The following VPS13B variants were observed in gnomAD, a reference collection of about 807,000 sequenced individuals.
VPS13B encodes the protein vacuolar protein sorting 13 homolog B.
In VPS13B, 285 loss-of-function variants were observed where a neutral mutation model predicts 426.4. The observed-to-expected ratio is 0.67, with a 90% CI of 0.61 to 0.74. The LOEUF is 0.74. Ranked by LOEUF, VPS13B falls within the 30% of genes least tolerant of loss-of-function variation. The probability of loss-of-function intolerance (pLI) is 0.00; values close to 1 mark genes in which losing one functional copy is unlikely to be tolerated. For missense variants in VPS13B, 4,537 were observed against 4,782.6 expected (o/e 0.95, Z 1.51); for synonymous variants, 1,676 against 1,676.4 (o/e 1.00, Z 0.01).
intron 56 of VPS13B, among the ~76,000 whole-genome samples, chr8:99,855,681 G>A (rs979785065): frequency 1.3e-5 from 2 of 152,092 alleles, no homozygotes; most frequent in African/African-American, 4.8e-5. Context: ...AGCAGTAAAC[G>A]ACCTGTGTTA....
intron 3 of VPS13B, among the ~76,000 whole-genome samples, chr8:99,051,547 T>C (rs1240518927): frequency 6.6e-6 from 1 of 152,192 alleles, no homozygotes; most frequent in Non-Finnish European, 1.5e-5. Context: ...TTTAAAGTAG[T>C]TTTTTCCAAT....
chr8:99,867,566 G>A (rs1327842329), intron 58 of VPS13B, among the ~76,000 whole-genome samples: 1 of 152,138 alleles, frequency 6.6e-6, no homozygotes, highest in Non-Finnish European at 1.5e-5. Context: ...GTGGTTAAGA[G>A]CTATGCTGTG....
chr8:99,856,697 C>T (rs1171289462), intron 56 of VPS13B, among the ~76,000 whole-genome samples: 5 of 152,064 alleles, frequency 3.3e-5, no homozygotes, highest in Non-Finnish European at 5.9e-5. Context: ...AAAAATTAGC[C>T]AGGTGTGGGG....
intron 16 of VPS13B, among the ~76,000 whole-genome samples, chr8:99,184,286 G>A (rs1454706555): frequency 1.3e-5 from 2 of 152,266 alleles, no homozygotes; most frequent in East Asian, 3.9e-4. Flanking sequence ...AACTTTTTAA[G>A]AAACTGCAAT....
intron 19 of VPS13B, among the ~76,000 whole-genome samples, chr8:99,383,460 A>G: frequency 6.6e-6 from 1 of 152,290 alleles, no homozygotes; most frequent in Admixed American, 6.5e-5. Context: ...TATTTTATGG[A>G]CAAATGTACT....
At chr8:99,100,786 T>A (rs1048705657) in intron 4 of VPS13B, among the ~76,000 whole-genome samples, 2 of 152,068 alleles carry the variant, frequency 1.3e-5, no homozygotes, top group African/African-American at 2.4e-5. Context: ...CTCATGCCTG[T>A]AATCCCAGTA....
intron 30 of VPS13B, among the ~76,000 whole-genome samples, chr8:99,554,132 T>C (rs1206234818): frequency 6.6e-6 from 1 of 152,158 alleles, no homozygotes; most frequent in Non-Finnish European, 1.5e-5. Context: ...CTTTTCCATG[T>C]ATCAAGGGAA....
chr8:99,259,115 G>C (rs4428646), intron 17 of VPS13B, among the ~76,000 whole-genome samples: 125,461 of 151,962 alleles, frequency 0.83, 52,317 homozygotes, highest in South Asian at 0.89. Flanking sequence ...CATGATTACT[G>C]TGTGAAGTAG....
At chr8:99,080,937 G>A (rs919230515) in intron 3 of VPS13B, among the ~76,000 whole-genome samples, 3 of 152,140 alleles carry the variant, frequency 2.0e-5, no homozygotes, top group African/African-American at 4.8e-5. Context: ...TACTTCCTCT[G>A]GTCTATGGTC....
chr8:99,193,618 A>G (rs1225870141), intron 17 of VPS13B, among the ~76,000 whole-genome samples: 2 of 152,286 alleles, frequency 1.3e-5, no homozygotes, highest in East Asian at 1.9e-4. Context: ...GTTTCAGTTC[A>G]AAATAATAAT....
intron 52 of VPS13B, 136 bp from the exon 53 acceptor site, chr8:99,835,061 A>G (rs1393570438): frequency 2.9e-6 from 3 of 1,026,150 alleles, no homozygotes; most frequent in Admixed American, 4.4e-5. Flanking sequence ...GTTATCAGAA[A>G]AGGAATCTCC....
At chr8:99,096,215 C>T (rs1358046691) in intron 3 of VPS13B, 97 bp from the exon 4 acceptor site, 12 of 1,378,480 alleles carry the variant, frequency 8.7e-6, no homozygotes, top group South Asian at 2.6e-5. Context: ...ATCTTATCTC[C>T]TGTAGCTACC....
chr8:99,491,191 A>G (rs1820587405), intron 25 of VPS13B, among the ~76,000 whole-genome samples: 1 of 152,178 alleles, frequency 6.6e-6, no homozygotes, highest in African/African-American at 2.4e-5. Flanking sequence ...CAGGTTGTTC[A>G]GTTTCCATGT....
chr8:99,877,021 T>C lies in VPS13B; in HGVS notation c.*1355T>C, dbSNP rs562826355. 6.6e-6 allele frequency: 1 copy of C among 152,148 alleles called. No homozygotes were observed. The highest frequency in any genetic ancestry group is 1.9e-4 in the East Asian group (1 of 5,192). The allele number at this position is 152,148 out of a possible 1,614,324, so 9.4% of individuals were successfully genotyped here. On this transcript the variant is annotated 3_prime_UTR_variant, in exon 62 of 62. Coordinates refer to ENST00000357162, the MANE Select transcript of VPS13B (RefSeq NM_152564.5). The stretch of plus-strand genomic sequence containing the variant: ...CACCACAGGTATGCACCACCATACC[T>C]GGCTGATTTTTAAAATTTTTTCTAG...
chr8:99,077,467 G>C (rs1000747175), intron 3 of VPS13B, among the ~76,000 whole-genome samples: 11 of 151,732 alleles, frequency 7.2e-5, no homozygotes, highest in African/African-American at 2.7e-4. Flanking sequence ...CCCGTGCCTG[G>C]CCTGCTCTTT....
In VPS13B at chr8:99,148,015, A is replaced by G; in HGVS notation, c.2013+5A>G. 6.2e-7 allele frequency: 1 copy of G among 1,602,618 alleles called. No individual in the cohort carries two copies. The highest frequency in any genetic ancestry group is 8.5e-7 in the Non-Finnish European group (1 of 1,173,996). ...CCTGTCATTATGGGAGAAAAGGTATATTTTGTGATTTGCTATATTTTTTTT... is the reference window on the plus strand; with the variant it reads ...CCTGTCATTATGGGAGAAAAGGTATGTTTTGTGATTTGCTATATTTTTTTT... On this transcript the variant is annotated splice_donor_5th_base_variant and intron_variant, in intron 14 of 61. Coordinates refer to ENST00000357162, the MANE Select transcript of VPS13B (RefSeq NM_152564.5).
chr8:99,489,920 G>C (rs1338590342), intron 25 of VPS13B, among the ~76,000 whole-genome samples: 1 of 152,114 alleles, frequency 6.6e-6, no homozygotes, highest in African/African-American at 2.4e-5. Flanking sequence ...GATTGCCCTG[G>C]TTGGAACTTC....
At chr8:99,699,278 G>T (rs1018645888) in intron 35 of VPS13B, among the ~76,000 whole-genome samples, 2 of 151,698 alleles carry the variant, frequency 1.3e-5, no homozygotes, top group African/African-American at 4.8e-5. Context: ...GATGTATCAG[G>T]GCCACACATG....
At position 99,511,512 on chromosome 8, in the gene VPS13B, G is replaced by T. The variant is rs1466571322; in HGVS notation, c.4633G>T (p.Ala1545Ser). 3 of 1,610,406 alleles carry T rather than the reference G, an allele frequency of 1.9e-6. No homozygotes were observed. The highest frequency in any genetic ancestry group is 1.1e-5 in the South Asian group (1 of 89,562). Reference protein sequence around the residue: ...KTEEMQPTVEANQAAKEDTVV... With the variant: ...KTEEMQPTVESNQAAKEDTVV... ...AGAAGAAATGCAGCCAACTGTTGAA[G>T]GTATTGTCTTCTGATTTTTTTTGTC... is the stretch of plus-strand genomic sequence containing the variant. Residue 1545 changes from alanine to serine, a missense_variant and splice_region_variant, in exon 29 of 62, where the codon GCT (alanine) becomes TCT (serine). Ala to Ser is a moderately conservative substitution (Grantham distance 99, BLOSUM62 1). This residue lies in a region of VPS13B where 4,311 missense variants were observed against 4,474.3 expected (regional missense o/e 0.96). Transcript: ENST00000357162.
Sources: allele counts gnomAD v4.1 joint callset (sites outside exome capture counted in the v4.1 genomes callset), GRCh38; gene constraint gnomAD v4.1.1; regional missense constraint gnomAD v4.1.1; transcripts MANE v1.5; gene names NCBI Gene and HGNC (gene_info 2026-07-23, HGNC 2026-07-21).